The following TRIM71 variants were observed in gnomAD, a reference collection of about 807,000 sequenced individuals.
TRIM71 encodes tripartite motif containing 71.
A neutral mutation model predicts 61.2 loss-of-function variants in TRIM71; 9 were observed. The ratio of observed to expected loss-of-function variants is 0.15; its 90% confidence interval spans 0.09 to 0.26. The LOEUF (loss-of-function observed/expected upper bound fraction) is 0.26. Among genes scored for constraint, TRIM71 ranks in the 10% least tolerant of loss-of-function variants. The pLI, the probability that TRIM71 is intolerant of heterozygous loss-of-function variation, is 1.00. For missense variants in TRIM71, 998 were observed against 1,238.7 expected, an observed-to-expected ratio of 0.81 and a Z score of 2.92; for synonymous variants, 645 against 553.2, an observed-to-expected ratio of 1.17 and a Z score of -2.33.
chr3:32,849,134 G>A (rs929780281), intron 1 of TRIM71, among the ~76,000 whole-genome samples: 2 of 152,190 alleles, frequency 1.3e-5, no homozygotes, highest in Non-Finnish European at 2.9e-5. Context: ...AATTTAAAAA[G>A]CTGTTATGTT....
rs1198623216 is a variant in TRIM71, at chr3:32,843,923, T to TA, written c.852+24993dup. Among the ~76,000 whole-genome samples, 3 of 152,126 alleles carry TA rather than the reference T, an allele frequency of 2.0e-5. No individual in the cohort carries two copies. The East Asian group carries it at 5.8e-4, about 29-fold the overall frequency. ...GGAGCTCCATAAATCCTGCTGGATT[T>TA]AATGTTATGCAAATAACTCCAGATA... On this transcript the variant is annotated intron_variant, in intron 1 of 3. Coordinates refer to ENST00000383763, the MANE Select transcript of TRIM71 (RefSeq NM_001039111.3).
At chr3:32,841,709 C>T (rs1323504513) in intron 1 of TRIM71, among the ~76,000 whole-genome samples, 1 of 152,124 alleles carries the variant, frequency 6.6e-6, no homozygotes, top group Non-Finnish European at 1.5e-5. Flanking sequence ...GGTGGCTTCT[C>T]TACTGATGAA....
chr3:32,823,774 A>G (rs1294885079), intron 1 of TRIM71, among the ~76,000 whole-genome samples: 1 of 146,550 alleles, frequency 6.8e-6, no homozygotes, highest in Non-Finnish European at 1.5e-5. Flanking sequence ...CTAAAAAGAT[A>G]CAGGGAAATC....
chr3:32,895,563 G>T lies in TRIM71; in HGVS notation c.*3752G>T, dbSNP rs1479934446. 2.0e-5 allele frequency: 3 copies of T among 152,140 alleles called. No homozygotes were observed. Among genetic ancestry groups the T allele is most frequent in the Admixed American group, 6.5e-5 (1 of 15,274 alleles). The allele number at this position is 152,140 out of a possible 1,614,324, so 9.4% of individuals were successfully genotyped here. On this transcript the variant is annotated 3_prime_UTR_variant, in exon 4 of 4. Coordinates refer to ENST00000383763, the MANE Select transcript of TRIM71 (RefSeq NM_001039111.3). ...GGTGAAAGATATGCCAAAGTTTTAG[G>T]CTTGTTTTTCTGATCTTATTTTTTT...
intron 1 of TRIM71, among the ~76,000 whole-genome samples, chr3:32,828,720 T>C (rs988975515): frequency 1.4e-4 from 22 of 152,026 alleles, no homozygotes; most frequent in African/African-American, 5.3e-4. Flanking sequence ...GGCTTGTGTC[T>C]GACCCTTGGG....
At chr3:32,844,308 A>T (rs1696445970) in intron 1 of TRIM71, among the ~76,000 whole-genome samples, 1 of 152,190 alleles carries the variant, frequency 6.6e-6, no homozygotes, top group Non-Finnish European at 1.5e-5. Context: ...CCCTAGGAGG[A>T]AGAGGGGATT....
At chr3:32,868,213 TG>T (rs1696759659) in intron 1 of TRIM71, among the ~76,000 whole-genome samples, 1 of 152,170 alleles carries the variant, frequency 6.6e-6, no homozygotes, top group African/African-American at 2.4e-5. Context: ...GCTGGCCTTT[TG>T]TTTTTGGTTG....
intron 2 of TRIM71, among the ~76,000 whole-genome samples, chr3:32,875,440 G>A (rs899688707): frequency 6.6e-6 from 1 of 152,194 alleles, no homozygotes; most frequent in Non-Finnish European, 1.5e-5. Flanking sequence ...TACTTTGAAA[G>A]TCAAGAAAAG....
At chr3:32,883,983 C>A in intron 2 of TRIM71, among the ~76,000 whole-genome samples, 1 of 152,170 alleles carries the variant, frequency 6.6e-6, no homozygotes, top group Admixed American at 6.5e-5. Context: ...CTGTGGATAT[C>A]CTGTGAGCCC....
rs549098576 is a variant in TRIM71, at chr3:32,893,690, T to G, written c.*1879T>G. The G allele has an allele frequency of 6.6e-6, 1 of 152,330 alleles. No homozygotes were observed. The highest frequency in any genetic ancestry group is 2.1e-4 in the South Asian group (1 of 4,828). The allele number at this position is 152,330 out of a possible 1,614,324, so 9.4% of individuals were successfully genotyped here. The stretch of plus-strand genomic sequence containing the variant: ...GAACAGATTAACAAATGGAGCAATT[T>G]GTTTCTGTTATCCCAATAGAAAAGG... On this transcript the variant is annotated 3_prime_UTR_variant, in exon 4 of 4. Coordinates refer to ENST00000383763, the MANE Select transcript of TRIM71 (RefSeq NM_001039111.3).
chr3:32,835,614 C>T (rs1200385506), intron 1 of TRIM71, among the ~76,000 whole-genome samples: 1 of 152,106 alleles, frequency 6.6e-6, no homozygotes, highest in Non-Finnish European at 1.5e-5. Context: ...ATGTTTATGC[C>T]TGTGAGTATA....
chr3:32,846,311 G>A (rs1186923472), intron 1 of TRIM71, among the ~76,000 whole-genome samples: 1 of 152,042 alleles, frequency 6.6e-6, no homozygotes, highest in South Asian at 2.1e-4. Flanking sequence ...TCCTGACCTT[G>A]TGATCCACAC....
chr3:32,831,600 G>A (rs1037270859), intron 1 of TRIM71, among the ~76,000 whole-genome samples: 5 of 145,148 alleles, frequency 3.4e-5, no homozygotes, highest in Admixed American at 7.1e-5. Flanking sequence ...GTACAATGGC[G>A]CGATCTCGGC....
At chr3:32,846,727 C>T (rs1313079394) in intron 1 of TRIM71, among the ~76,000 whole-genome samples, 1 of 137,716 alleles carries the variant, frequency 7.3e-6, no homozygotes, top group South Asian at 2.4e-4. Flanking sequence ...TAGTTCTCTT[C>T]TCTCTACTTC....
chr3:32,830,887 T>C (rs1696263133), intron 1 of TRIM71, among the ~76,000 whole-genome samples: 2 of 152,226 alleles, frequency 1.3e-5, no homozygotes, highest in Admixed American at 1.3e-4. Context: ...CTAGGCTCAC[T>C]GCAACCTCTA....
intron 1 of TRIM71, among the ~76,000 whole-genome samples, chr3:32,832,532 C>A (rs75425684): frequency 0.02 from 3,035 of 152,174 alleles, 65 homozygotes; most frequent in East Asian, 0.1. Flanking sequence ...ATGAACAGTA[C>A]TCTTGGGGAA....
intron 1 of TRIM71, among the ~76,000 whole-genome samples, chr3:32,837,838 C>T (rs1297150253): frequency 2.6e-5 from 4 of 152,084 alleles, no homozygotes; most frequent in Admixed American, 6.6e-5. Flanking sequence ...GAAGTCTTTA[C>T]CTCTATGGCA....
Position 32,818,301 on chromosome 3 carries a change from G to GGC in TRIM71, c.222_223dup (p.Leu75ArgfsTer25). On this transcript the variant is annotated frameshift_variant, in exon 1 of 4. Coordinates refer to ENST00000383763, the MANE Select transcript of TRIM71 (RefSeq NM_001039111.3). LOFTEE classifies it high-confidence loss of function. ...TGCCGCCCCTGCCTCGAGGCGCACC[G>GGC]GCTGCCGGCGGCGGGCGGCGGCGCG... is the stretch of plus-strand genomic sequence containing the variant. 1 of 1,432,900 alleles carries GGC rather than the reference G, an allele frequency of 7.0e-7. No homozygotes were observed. Among genetic ancestry groups the GGC allele is most frequent in the South Asian group, 1.4e-5 (1 of 72,380 alleles). 88.8% of individuals were successfully genotyped at this position (1,432,900 alleles called of 1,614,324 possible). A position where few individuals can be genotyped will look rare whatever the true frequency, so the allele number is the denominator to read the frequency against.
At chr3:32,887,720 A>G (rs1696976735) in intron 3 of TRIM71, among the ~76,000 whole-genome samples, 1 of 152,098 alleles carries the variant, frequency 6.6e-6, no homozygotes, top group African/African-American at 2.4e-5. Context: ...GCATATATAT[A>G]GTTCATGGGT....
Sources: allele counts gnomAD v4.1 joint callset (sites outside exome capture counted in the v4.1 genomes callset), GRCh38; gene constraint gnomAD v4.1.1; transcripts MANE v1.5; gene names NCBI Gene and HGNC (gene_info 2026-07-23, HGNC 2026-07-21).